LOC128462377: variants seen among roughly 807,000 people sequenced by gnomAD.
chr16:89,402,535 C>A, the LOC128462377 span, among the ~76,000 whole-genome samples: 7 of 151,554 alleles, frequency 4.6e-5, no homozygotes, highest in African/African-American at 1.7e-4. Flanking sequence ...TTAAAAATTG[C>A]TGCGTATGGT....
the LOC128462377 span, among the ~76,000 whole-genome samples, chr16:89,375,611 G>A: frequency 6.6e-6 from 1 of 151,630 alleles, no homozygotes; most frequent in Non-Finnish European, 1.5e-5. Flanking sequence ...CCGCCACCAC[G>A]CCCAGTTAAT....
At chr16:89,339,786 T>C in the LOC128462377 span, 1 of 152,246 alleles carries the variant, frequency 6.6e-6, no homozygotes, top group Admixed American at 6.5e-5. Flanking sequence ...AAGCCCCTTA[T>C]ATAAGCCCCA....
the LOC128462377 span, among the ~76,000 whole-genome samples, chr16:89,334,169 A>AAAC: frequency 2.8e-3 from 296 of 107,354 alleles, 25 homozygotes; most frequent in Middle Eastern, 4.9e-3. Flanking sequence ...AAAAAAAAAA[A>AAAC]AAAACAGAGA....
chr16:89,358,030 T>C, the LOC128462377 span, among the ~76,000 whole-genome samples: 1 of 152,254 alleles, frequency 6.6e-6, no homozygotes, highest in African/African-American at 2.4e-5. Flanking sequence ...TTCCAAAGAC[T>C]GAACCCTCTT....
the LOC128462377 span, among the ~76,000 whole-genome samples, chr16:89,384,879 C>CTTTTTT: frequency 4.1e-3 from 205 of 49,936 alleles, 30 homozygotes; most frequent in Middle Eastern, 0.019. Flanking sequence ...AAATAGTTTT[C>CTTTTTT]TTTTTTTTTT....
chr16:89,348,644 GCTAT>G, the LOC128462377 span, among the ~76,000 whole-genome samples: 1 of 152,158 alleles, frequency 6.6e-6, no homozygotes, highest in African/African-American at 2.4e-5. Flanking sequence ...GACTATTTAA[GCTAT>G]CTATTTCTTC....
chr16:89,329,219 G>A, the LOC128462377 span, among the ~76,000 whole-genome samples: 1 of 152,182 alleles, frequency 6.6e-6, no homozygotes, highest in African/African-American at 2.4e-5. Context: ...GGTGGCTGTC[G>A]AGGAGGCTCT....
At chr16:89,384,874 G>GTTTTTTTTTTT in the LOC128462377 span, among the ~76,000 whole-genome samples, 8 of 72,746 alleles carry the variant, frequency 1.1e-4, 1 homozygote, top group African/African-American at 4.5e-4. Flanking sequence ...ATGAGAAATA[G>GTTTTTTTTTTT]TTTTCTTTTT....
the LOC128462377 span, chr16:89,339,861 G>C: frequency 6.6e-6 from 1 of 151,996 alleles, no homozygotes; most frequent in East Asian, 1.9e-4. Context: ...TCGGCGCTTT[G>C]ATACTCACGC....
chr16:89,356,922 G>C, the LOC128462377 span, among the ~76,000 whole-genome samples: 1 of 152,242 alleles, frequency 6.6e-6, no homozygotes, highest in Non-Finnish European at 1.5e-5. Flanking sequence ...GGAGTCCCAG[G>C]CATCCTGCTG....
At chr16:89,348,364 C>T in the LOC128462377 span, among the ~76,000 whole-genome samples, 22 of 152,300 alleles carry the variant, frequency 1.4e-4, no homozygotes, top group African/African-American at 4.8e-4. Flanking sequence ...ACCCCGCTTG[C>T]TCATGAGGTA....
the LOC128462377 span, among the ~76,000 whole-genome samples, chr16:89,410,354 GAATA>G: frequency 2.0e-5 from 3 of 152,154 alleles, no homozygotes; most frequent in Non-Finnish European, 4.4e-5. Flanking sequence ...AAACAAGCAA[GAATA>G]AATTTTAAAC....
the LOC128462377 span, among the ~76,000 whole-genome samples, chr16:89,367,745 C>T: frequency 6.6e-6 from 1 of 152,172 alleles, no homozygotes; most frequent in Non-Finnish European, 1.5e-5. Context: ...CCTGACTACC[C>T]CCAGCGGCTG....
the LOC128462377 span, among the ~76,000 whole-genome samples, chr16:89,347,793 A>T: frequency 1.3e-5 from 2 of 152,192 alleles, no homozygotes; most frequent in East Asian, 3.8e-4. Flanking sequence ...GGCATCTCCA[A>T]CATTAGGAAA....
the LOC128462377 span, among the ~76,000 whole-genome samples, chr16:89,351,396 G>A: frequency 6.6e-6 from 1 of 152,202 alleles, no homozygotes; most frequent in African/African-American, 2.4e-5. Context: ...TACTGAGCAG[G>A]TGGCTGACTT....
chr16:89,402,549 G>A, the LOC128462377 span, among the ~76,000 whole-genome samples: 14 of 151,370 alleles, frequency 9.2e-5, no homozygotes, highest in African/African-American at 2.9e-4. Context: ...GTATGGTGCC[G>A]CACACCAGCA....
the LOC128462377 span, chr16:89,395,806 G>C: frequency 6.6e-6 from 1 of 152,318 alleles, no homozygotes; most frequent in South Asian, 2.1e-4. Flanking sequence ...TCTCAGCTGG[G>C]TGACACCGCA....
At chr16:89,327,175 A>C in the LOC128462377 span, among the ~76,000 whole-genome samples, 1 of 152,236 alleles carries the variant, frequency 6.6e-6, no homozygotes, top group African/African-American at 2.4e-5. Flanking sequence ...CTCAACCATC[A>C]ATCAGTCAAC....
the LOC128462377 span, among the ~76,000 whole-genome samples, chr16:89,381,128 G>A: frequency 6.6e-6 from 1 of 152,104 alleles, no homozygotes; most frequent in Non-Finnish European, 1.5e-5. Context: ...TTTGAGACCA[G>A]CCCGGCCAAC....
Sources: gnomAD v4.1 joint callset for allele counts (sites outside exome capture counted in the v4.1 genomes callset) on GRCh38, gnomAD v4.1.1 for gene constraint, MANE v1.5 for transcripts.